Variants in SNTG1 observed in about 807,000 individuals in gnomAD.
SNTG1 encodes gamma-1-syntrophin.
A neutral mutation model predicts 74.7 loss-of-function variants in SNTG1; 39 were observed. That is an observed-to-expected ratio of 0.52 (90% confidence interval 0.40 to 0.68). The LOEUF is 0.68. Among genes scored for constraint, SNTG1 ranks in the 30% least tolerant of loss-of-function variants. The pLI is 0.00. For missense variants in SNTG1, 685 were observed against 609.5 expected (o/e 1.12, Z -1.30); for synonymous variants, 254 against 217.1 (o/e 1.17, Z -1.49).
At chr8:50,547,061 G>A (rs930968419) in intron 11 of SNTG1, among the ~76,000 whole-genome samples, 1 of 152,120 alleles carries the variant, frequency 6.6e-6, no homozygotes, top group Non-Finnish European at 1.5e-5. Flanking sequence ...GGGATTACAG[G>A]CATGAGCCAC....
chr8:50,310,162 C>T (rs1282494337), intron 2 of SNTG1, among the ~76,000 whole-genome samples: 6 of 152,284 alleles, frequency 3.9e-5, no homozygotes, highest in African/African-American at 1.2e-4. Flanking sequence ...AGTTTACCTA[C>T]TCGAACCATG....
rs892136168 is a variant in SNTG1, at chr8:50,670,851, A to G, written c.1038+12188A>G. On this transcript the variant is annotated intron_variant, in intron 15 of 18. Transcript: ENST00000642720. ...TACTGGTACCAAAACAGAGATATAG[A>G]TCAATGGAACAGAACAGAGCCCTCA... is the stretch of plus-strand genomic sequence containing the variant. Among the ~76,000 whole-genome samples the G allele has an allele frequency of 4.7e-5, 7 of 149,252 alleles. No homozygotes were observed. In the East Asian group the frequency reaches 1.4e-3, roughly 30 times the overall value.
At chr8:50,533,208 A>G (rs2094283018) in intron 10 of SNTG1, among the ~76,000 whole-genome samples, 1 of 152,226 alleles carries the variant, frequency 6.6e-6, no homozygotes, top group Non-Finnish European at 1.5e-5. Context: ...TGTGCTTACC[A>G]GAAGACTCTG....
At chr8:50,078,389 C>T (rs774055485) in intron 1 of SNTG1, among the ~76,000 whole-genome samples, 1 of 152,060 alleles carries the variant, frequency 6.6e-6, no homozygotes, top group East Asian at 1.9e-4. Flanking sequence ...CATTCCATGA[C>T]CATGGAATAT....
At chr8:50,734,491 C>A (rs2095520768) in intron 17 of SNTG1, among the ~76,000 whole-genome samples, 1 of 150,802 alleles carries the variant, frequency 6.6e-6, no homozygotes, top group South Asian at 2.1e-4. Context: ...TCATTATTGA[C>A]ATATCTATGA....
At chr8:50,705,851 A>G (rs1465149166) in intron 16 of SNTG1, among the ~76,000 whole-genome samples, 1 of 152,216 alleles carries the variant, frequency 6.6e-6, no homozygotes, top group African/African-American at 2.4e-5. Context: ...GCTGACCTCA[A>G]ACAGACCTGT....
intron 1 of SNTG1, among the ~76,000 whole-genome samples, chr8:49,928,825 T>C (rs1413098791): frequency 6.6e-6 from 1 of 152,140 alleles, no homozygotes; most frequent in Non-Finnish European, 1.5e-5. Flanking sequence ...ATGTTATACA[T>C]ATGATTGTTT....
At chr8:50,191,723 C>T (rs1010243766) in intron 2 of SNTG1, among the ~76,000 whole-genome samples, 9 of 152,028 alleles carry the variant, frequency 5.9e-5, no homozygotes, top group African/African-American at 1.9e-4. Context: ...GCTCTACCTC[C>T]CCTTTCTCCT....
intron 2 of SNTG1, among the ~76,000 whole-genome samples, chr8:50,263,763 A>G (rs549637228): frequency 9.2e-5 from 14 of 152,252 alleles, no homozygotes; most frequent in African/African-American, 3.4e-4. Context: ...GTAGCTGGAG[A>G]CTTCAATACA....
chr8:50,076,813 T>G (rs1821938048), intron 1 of SNTG1, among the ~76,000 whole-genome samples: 1 of 152,196 alleles, frequency 6.6e-6, no homozygotes, highest in Non-Finnish European at 1.5e-5. Context: ...ATACCGTATT[T>G]AGAAGTTTAA....
intron 4 of SNTG1, among the ~76,000 whole-genome samples, chr8:50,429,192 T>C (rs1323868510): frequency 6.6e-6 from 1 of 151,772 alleles, no homozygotes; most frequent in East Asian, 1.9e-4. Flanking sequence ...GCTAAAACAA[T>C]CTTGAAAAAA....
intron 17 of SNTG1, among the ~76,000 whole-genome samples, chr8:50,722,757 G>C (rs1428809181): frequency 1.3e-5 from 2 of 152,040 alleles, no homozygotes; most frequent in Non-Finnish European, 2.9e-5. Context: ...TTGTTGTGTT[G>C]TTCTTTCTTC....
chr8:49,926,439 A>G (rs1362891442), intron 1 of SNTG1, among the ~76,000 whole-genome samples: 1 of 152,136 alleles, frequency 6.6e-6, no homozygotes, highest in Non-Finnish European at 1.5e-5. Context: ...AATTTCAAAC[A>G]CCATGATGTT....
chr8:50,198,311 C>T (rs193111373), intron 2 of SNTG1, among the ~76,000 whole-genome samples: 1 of 152,318 alleles, frequency 6.6e-6, no homozygotes, highest in African/African-American at 2.4e-5. Flanking sequence ...CCTTTGGCGA[C>T]TTGTCCTGCT....
chr8:50,381,355 T>C (rs1011767121), intron 2 of SNTG1, among the ~76,000 whole-genome samples: 4 of 151,740 alleles, frequency 2.6e-5, no homozygotes, highest in Admixed American at 6.6e-5. Context: ...ACAAATCAAT[T>C]ACTTTTAAAA....
At chr8:50,585,012 G>T (rs1448324199) in intron 12 of SNTG1, among the ~76,000 whole-genome samples, 1 of 152,090 alleles carries the variant, frequency 6.6e-6, no homozygotes, top group Non-Finnish European at 1.5e-5. Flanking sequence ...GAAGGGGCAG[G>T]CATTGGCTCT....
Position 49,990,484 on chromosome 8 carries a change from A to G in SNTG1, c.-103+78253A>G, listed in dbSNP as rs139598037. 1.1e-4 allele frequency among the ~76,000 whole-genome samples: 16 copies of G among 152,140 alleles called. No individual in the cohort carries two copies. The East Asian group carries it at 2.9e-3, about 28-fold the overall frequency. On this transcript the variant is annotated intron_variant, in intron 1 of 18. Coordinates refer to ENST00000642720, the MANE Select transcript of SNTG1 (RefSeq NM_018967.5). The stretch of plus-strand genomic sequence containing the variant: ...CAGAATAACCAAAAAAATCCCCTAA[A>G]AGAACAATGTTAGAGGCCTCACAAT...
At chr8:50,489,846 T>G (rs574296221) in intron 8 of SNTG1, among the ~76,000 whole-genome samples, 1 of 152,336 alleles carries the variant, frequency 6.6e-6, no homozygotes, top group East Asian at 1.9e-4. Flanking sequence ...TCTTTGCCCA[T>G]GCCTATGTCC....
intron 13 of SNTG1, among the ~76,000 whole-genome samples, chr8:50,620,870 C>G (rs2094918327): frequency 6.6e-6 from 1 of 152,058 alleles, no homozygotes; most frequent in South Asian, 2.1e-4. Flanking sequence ...TGATCTTGGC[C>G]TTTATCTAGA....
Sources: allele counts gnomAD v4.1 joint callset (sites outside exome capture counted in the v4.1 genomes callset), GRCh38; gene constraint gnomAD v4.1.1; transcripts MANE v1.5; gene names NCBI Gene and HGNC (gene_info 2026-07-23, HGNC 2026-07-21).